The following HIVEP2 variants were observed in gnomAD, a reference collection of about 807,000 sequenced individuals.
The protein encoded by HIVEP2 is transcription factor HIVEP2.
A neutral mutation model predicts 180.7 loss-of-function variants in HIVEP2; 14 were observed. The observed-to-expected ratio is 0.08, with a 90% CI of 0.05 to 0.12. The LOEUF (loss-of-function observed/expected upper bound fraction) is 0.12, where lower values mean the gene tolerates loss of function less well. HIVEP2 is among the 10% of genes least tolerant of loss of function. The probability of loss-of-function intolerance (pLI) is 1.00; values close to 1 mark genes in which losing one functional copy is unlikely to be tolerated. For synonymous variants in HIVEP2, 1,184 were observed against 1,136.4 expected (o/e 1.04, Z -0.84); for missense variants, 2,579 against 3,008.5 (o/e 0.86, Z 3.34).
At chr6:142,935,747 T>C (rs1778038327) in intron 1 of HIVEP2, among the ~76,000 whole-genome samples, 1 of 151,886 alleles carries the variant, frequency 6.6e-6, no homozygotes, top group African/African-American at 2.4e-5. Context: ...CCACCAAATA[T>C]CAACTGTATG....
intron 6 of HIVEP2, among the ~76,000 whole-genome samples, chr6:142,765,339 G>A (rs548054927): frequency 1.2e-4 from 19 of 152,268 alleles, no homozygotes; most frequent in Non-Finnish European, 2.5e-4. Context: ...CATACAAAAA[G>A]CATACCAACA....
chr6:142,877,003 C>T (rs1216583950), intron 1 of HIVEP2, among the ~76,000 whole-genome samples: 3 of 152,142 alleles, frequency 2.0e-5, no homozygotes, highest in Non-Finnish European at 4.4e-5. Context: ...AAGCTGAGAT[C>T]GCACCACTGC....
At chr6:142,885,011 T>A (rs1296757308) in intron 1 of HIVEP2, among the ~76,000 whole-genome samples, 1 of 152,184 alleles carries the variant, frequency 6.6e-6, no homozygotes, top group African/African-American at 2.4e-5. Context: ...AATTCCTACA[T>A]AGCACTAGGA....
chr6:142,913,290 G>A (rs1205835493), intron 1 of HIVEP2, among the ~76,000 whole-genome samples: 1 of 152,284 alleles, frequency 6.6e-6, no homozygotes, highest in East Asian at 1.9e-4. Flanking sequence ...CACGAAAAAC[G>A]TACATTTCCT....
intron 1 of HIVEP2, among the ~76,000 whole-genome samples, chr6:142,874,382 C>CT (rs1562274255): frequency 6.6e-6 from 1 of 151,816 alleles, no homozygotes; most frequent in Non-Finnish European, 1.5e-5. Context: ...TGTTTAGTTG[C>CT]TTTTTTAAAA....
intron 1 of HIVEP2, among the ~76,000 whole-genome samples, chr6:142,887,952 G>A (rs1288280194): frequency 4.5e-5 from 5 of 112,264 alleles, no homozygotes; most frequent in East Asian, 2.5e-4. Context: ...AGCAAAGGGC[G>A]ATGCAGCAAA....
chr6:142,917,943 T>C (rs1444899615), intron 1 of HIVEP2, among the ~76,000 whole-genome samples: 1 of 152,176 alleles, frequency 6.6e-6, no homozygotes, highest in Non-Finnish European at 1.5e-5. Flanking sequence ...GCCTGGCTGA[T>C]TTTTGCATTT....
intron 1 of HIVEP2, among the ~76,000 whole-genome samples, chr6:142,919,559 C>A (rs1053760077): frequency 6.6e-6 from 1 of 152,118 alleles, no homozygotes; most frequent in Non-Finnish European, 1.5e-5. Flanking sequence ...TAAGGAAACA[C>A]ATGTCACAAT....
At position 142,759,195 on chromosome 6, in the gene HIVEP2, C is replaced by T. The variant is rs530768978; in HGVS notation, c.6516+577G>A. Among the ~76,000 whole-genome samples the T allele has an allele frequency of 3.9e-5, 6 of 151,902 alleles. No homozygotes were observed. The South Asian group carries it at 1.0e-3, about 27-fold the overall frequency. Reference sequence around the variant, plus strand: ...ATACACGCCTGTAGTCCCAGCTTCTCGGGAGGCTGAGATGGGAGAATCGCT... The same window carrying T: ...ATACACGCCTGTAGTCCCAGCTTCTTGGGAGGCTGAGATGGGAGAATCGCT... On this transcript the variant is annotated intron_variant, in intron 9 of 9. Coordinates refer to ENST00000367603, the MANE Select transcript of HIVEP2 (RefSeq NM_006734.4).
intron 1 of HIVEP2, among the ~76,000 whole-genome samples, chr6:142,888,644 A>T (rs10457744): frequency 0.31 from 47,677 of 151,982 alleles, 8,170 homozygotes; most frequent in Admixed American, 0.44. Context: ...CTCATGCCTG[A>T]TCTCCTTTGA....
At chr6:142,829,145 G>T (rs1361659037) in intron 2 of HIVEP2, among the ~76,000 whole-genome samples, 1 of 152,006 alleles carries the variant, frequency 6.6e-6, no homozygotes, top group African/African-American at 2.4e-5. Flanking sequence ...TGATTCCTTA[G>T]CTCAAAAGTG....
chr6:142,769,331 T>C (rs1353446686), intron 5 of HIVEP2, among the ~76,000 whole-genome samples: 1 of 152,190 alleles, frequency 6.6e-6, no homozygotes, highest in Non-Finnish European at 1.5e-5. Context: ...AGCATAAATG[T>C]AGGCTTTTTC....
intron 2 of HIVEP2, among the ~76,000 whole-genome samples, chr6:142,827,648 C>G (rs1774948667): frequency 1.3e-5 from 2 of 152,156 alleles, no homozygotes; most frequent in Non-Finnish European, 2.9e-5. Flanking sequence ...CAAGTGTGCT[C>G]ACCATTATCA....
chr6:142,878,340 T>C (rs2128415206), intron 1 of HIVEP2, among the ~76,000 whole-genome samples: 1 of 152,356 alleles, frequency 6.6e-6, no homozygotes, highest in Middle Eastern at 3.4e-3. Context: ...CCCTTCTGTA[T>C]ACATAATTTT....
rs1486379180 is a variant in HIVEP2 at position 142,770,784 on chromosome 6, C to T, written c.3955G>A (p.Ala1319Thr). ...PSEQVLQEDF[A>T]SANAGSLQSL... is the part of the protein sequence containing the mutation. Reference sequence around the variant, plus strand: ...TGCAAAGACCCAGCATTTGCCGAGGCAAAATCTTCTTGAAGAACCTGCTCA... The same window carrying T: ...TGCAAAGACCCAGCATTTGCCGAGGTAAAATCTTCTTGAAGAACCTGCTCA... Residue 1319 changes from alanine (A) to threonine (T), a missense_variant, in exon 5 of 10, where the codon GCC (alanine) becomes ACC (threonine). This residue lies in a region of HIVEP2 where 523 missense variants were observed against 577.0 expected (regional missense o/e 0.91). Transcript: ENST00000367603. This position sits in a 1 kb window ranked among gnomAD's most constrained non-coding sequence, Gnocchi z 4.7. 6.2e-7 allele frequency: 1 copy of T among 1,614,102 alleles called. No homozygotes were observed. Among genetic ancestry groups the T allele is most frequent in the African/African-American group, 1.3e-5 (1 of 74,942 alleles).
At chr6:142,847,783 C>A (rs1775554293) in intron 1 of HIVEP2, among the ~76,000 whole-genome samples, 1 of 151,858 alleles carries the variant, frequency 6.6e-6, no homozygotes, top group South Asian at 2.1e-4. Context: ...GTATAAGACT[C>A]CAAAATATAT....
chr6:142,910,527 G>A (rs1395278226), intron 1 of HIVEP2, among the ~76,000 whole-genome samples: 1 of 152,188 alleles, frequency 6.6e-6, no homozygotes, highest in South Asian at 2.1e-4. Flanking sequence ...GTTTGAACCC[G>A]GCAGGCAGAG....
At chr6:142,914,621 G>A (rs1469757373) in intron 1 of HIVEP2, among the ~76,000 whole-genome samples, 1 of 152,158 alleles carries the variant, frequency 6.6e-6, no homozygotes, top group Non-Finnish European at 1.5e-5. Flanking sequence ...TTCAAAACCT[G>A]ATGTATCCCC....
Position 142,760,110 on chromosome 6 carries a change from G to C in HIVEP2, c.6178C>G (p.Pro2060Ala). ...CCTTTGGGTATCAGATACCTCTTTG[G>C]TGAATTATCTCGACAGGGTGAAGAA... ...YDSSPCRDNS[P>A]KRYLIPKGDL... is the part of the protein sequence containing the mutation. Residue 2060 changes from proline to alanine, a missense_variant, in exon 9 of 10, where the codon CCA becomes GCA. Transcript: ENST00000367603. 1 of 1,614,152 alleles carries C rather than the reference G, an allele frequency of 6.2e-7. No homozygotes were observed. The highest frequency in any genetic ancestry group is 1.1e-5 in the South Asian group (1 of 91,076).
Sources: gnomAD v4.1 joint callset for allele counts (sites outside exome capture counted in the v4.1 genomes callset) on GRCh38, gnomAD v4.1.1 for gene constraint, gnomAD v4.1.1 regional missense constraint, Gnocchi (gnomAD v3.1) non-coding constraint, MANE v1.5 for transcripts, NCBI Gene and HGNC (gene_info 2026-07-23, HGNC 2026-07-21) for gene names.